Variants in SYTL3 observed in about 807,000 individuals in gnomAD.
SYTL3 encodes the protein synaptotagmin-like protein 3.
In SYTL3, 88 loss-of-function variants were observed where a neutral mutation model predicts 82.1. The ratio of observed to expected loss-of-function variants is 1.07; its 90% CI spans 0.90 to 1.28. The LOEUF is 1.28. Among genes scored for constraint, SYTL3 ranks in the 50% most tolerant of loss-of-function variants. SYTL3 has a pLI of 0.00. For synonymous variants in SYTL3, 311 were observed against 289.4 expected (o/e 1.07, Z -0.76); for missense variants, 831 against 757.6 (o/e 1.10, Z -1.14).
chr6:158,722,762 G>GGTTTTTTT (rs1784256992), intron 10 of SYTL3, among the ~76,000 whole-genome samples: 1 of 80,896 alleles, frequency 1.2e-5, no homozygotes. Flanking sequence ...TCTCTTTTCT[G>GGTTTTTTT]TTTTTTTTTT....
chr6:158,656,876 T>A (rs1230200547), intron 2 of SYTL3, among the ~76,000 whole-genome samples: 1 of 152,206 alleles, frequency 6.6e-6, no homozygotes, highest in East Asian at 1.9e-4. Context: ...GACTACCTCA[T>A]GTTCTACTTC....
intron 6 of SYTL3, 117 bp from the exon 7 acceptor site, chr6:158,707,113 C>CT: frequency 9.2e-7 from 1 of 1,083,694 alleles, no homozygotes; most frequent in Non-Finnish European, 1.4e-6. Context: ...TGATCTCTTA[C>CT]TTTTTAATCA....
chr6:158,681,944 G>A (rs1285504509), intron 5 of SYTL3, among the ~76,000 whole-genome samples: 1 of 152,162 alleles, frequency 6.6e-6, no homozygotes, highest in African/African-American at 2.4e-5. Flanking sequence ...TTGGTCATTT[G>A]TGGTGATGTT....
chr6:158,740,232 A>G (rs546129000), intron 11 of SYTL3, among the ~76,000 whole-genome samples: 1 of 152,002 alleles, frequency 6.6e-6, no homozygotes, highest in East Asian at 1.9e-4. Context: ...CTGACCTCAG[A>G]TGATCTGCCT....
At position 158,665,460 on chromosome 6, in the gene SYTL3, A is replaced by G. The variant is rs1562350178; in HGVS notation, c.176A>G (p.Lys59Arg). 6.2e-7 allele frequency: 1 copy of G among 1,609,112 alleles called. No individual in the cohort carries two copies. Among genetic ancestry groups the G allele is most frequent in the Middle Eastern group, 1.7e-4 (1 of 6,058 alleles). ...GCGAAGAACACGGACTGGGAGCACA[A>G]AGAGAAGTGCTGTGCGCGCTGCCAG... is the stretch of plus-strand genomic sequence containing the variant. ...KGAKNTDWEH[K>R]EKCCARCQQV... The change falls in exon 5 of 18, where the codon AAA becomes AGA. Residue 59 changes from lysine (K) to arginine (R), a missense_variant. By Grantham distance (26) the Lys-to-Arg change is conservative (BLOSUM62 2). Transcript: ENST00000611299.
intron 11 of SYTL3, among the ~76,000 whole-genome samples, chr6:158,737,039 C>CAA (rs201499466): frequency 0.024 from 2,774 of 113,770 alleles, 62 homozygotes; most frequent in African/African-American, 0.074. Context: ...CATTTCATGG[C>CAA]AAAAAAAAAA....
Position 158,763,322 on chromosome 6 carries a change from CCAACAA to C in SYTL3, c.1537_1542del (p.Gln513_Gln514del), listed in dbSNP as rs1790257766. 6.2e-7 allele frequency: 1 copy of C among 1,614,072 alleles called. No homozygotes were observed. Among genetic ancestry groups the C allele is most frequent in the Non-Finnish European group, 8.5e-7 (1 of 1,180,044 alleles). ...TCTTCAGCTGTCTCACTCTGCCAGA[CCAACAA>C]AAACTGAGACTGAAGTCGCCAGTCC... On this transcript the variant is annotated inframe_deletion, in exon 17 of 18. Coordinates refer to ENST00000611299, the MANE Select transcript of SYTL3 (RefSeq NM_001242394.2).
chr6:158,666,906 G>A (rs76217107), intron 5 of SYTL3, among the ~76,000 whole-genome samples: 6,104 of 152,292 alleles, frequency 0.04, 183 homozygotes, highest in Middle Eastern at 0.12. Flanking sequence ...CAAGTCGCAC[G>A]GACGGTGGCC....
chr6:158,749,505 CTCTTTTTTTT>C (rs1278455473), intron 12 of SYTL3, among the ~76,000 whole-genome samples: 1 of 94,336 alleles, frequency 1.1e-5, no homozygotes, highest in South Asian at 3.7e-4. Flanking sequence ...TTTTCTTTCT[CTCTTTTTTTT>C]TTTTTTTTTT....
At chr6:158,708,817 A>G (rs1253489795) in intron 8 of SYTL3, among the ~76,000 whole-genome samples, 1 of 152,120 alleles carries the variant, frequency 6.6e-6, no homozygotes, top group African/African-American at 2.4e-5. Context: ...CTGTCCAAAG[A>G]AATTAGCTGT....
At chr6:158,757,020 C>CT (rs1489699243) in intron 13 of SYTL3, among the ~76,000 whole-genome samples, 191 bp from the exon 14 acceptor site, 1 of 132,986 alleles carries the variant, frequency 7.5e-6, no homozygotes, top group African/African-American at 2.8e-5. Flanking sequence ...CCCACCCTGG[C>CT]TGTAAGCACC....
chr6:158,725,856 T>C (rs1201192841), intron 11 of SYTL3: 2 of 712,092 alleles, frequency 2.8e-6, no homozygotes, highest in Non-Finnish European at 5.1e-6. Context: ...TTACTCCAGG[T>C]GTGTCAGCAG....
intron 12 of SYTL3, among the ~76,000 whole-genome samples, chr6:158,749,390 GAAAAAAA>G (rs1167978441): frequency 3.8e-5 from 2 of 52,140 alleles, no homozygotes; most frequent in Non-Finnish European, 7.3e-5. Flanking sequence ...GACTCTGTCT[GAAAAAAA>G]AAAAAAAAAA....
intron 6 of SYTL3, among the ~76,000 whole-genome samples, chr6:158,686,472 T>G (rs1175863553): frequency 1.3e-5 from 2 of 151,992 alleles, no homozygotes; most frequent in Non-Finnish European, 2.9e-5. Context: ...AAATGCCAGG[T>G]TAGGAGCACA....
intron 6 of SYTL3, among the ~76,000 whole-genome samples, chr6:158,693,855 C>CTTTTCTTTTCTTTTCTTTTTTTTTTTTT (rs71030191): frequency 1.0e-5 from 1 of 96,866 alleles, no homozygotes. Context: ...TTTTTCTTTT[C>CTTTTCTTTTCTTTTCTTTTTTTTTTTTT]TTTTTTTTTT....
intron 5 of SYTL3, among the ~76,000 whole-genome samples, chr6:158,672,824 G>A (rs983989989): frequency 1.3e-5 from 2 of 152,058 alleles, no homozygotes; most frequent in South Asian, 2.1e-4. Flanking sequence ...TGTAGAGATA[G>A]GGGTTTCACC....
intron 5 of SYTL3, among the ~76,000 whole-genome samples, chr6:158,666,210 G>A (rs567348032): frequency 6.6e-6 from 1 of 152,334 alleles, no homozygotes; most frequent in South Asian, 2.1e-4. Flanking sequence ...TTCAGTACCA[G>A]TGGAGTAAAT....
At chr6:158,717,507 A>G (rs1009444353) in intron 9 of SYTL3, among the ~76,000 whole-genome samples, 7 of 152,124 alleles carry the variant, frequency 4.6e-5, no homozygotes, top group Non-Finnish European at 8.8e-5. Flanking sequence ...TCACTTCTGT[A>G]TGTGGCTTCC....
chr6:158,735,380 A>G (rs1248563966), intron 11 of SYTL3, among the ~76,000 whole-genome samples: 3 of 152,210 alleles, frequency 2.0e-5, no homozygotes, highest in African/African-American at 4.8e-5. Context: ...TAACTAAATC[A>G]TAGTGCAAAT....
Sources: allele counts gnomAD v4.1 joint callset (sites outside exome capture counted in the v4.1 genomes callset), GRCh38; gene constraint gnomAD v4.1.1; transcripts MANE v1.5; gene names NCBI Gene and HGNC (gene_info 2026-07-23, HGNC 2026-07-21).